The following GRID2 variants were observed in gnomAD, a reference collection of about 807,000 sequenced individuals.
GRID2 encodes glutamate ionotropic receptor delta type subunit 2.
Under a neutral mutation model 114.8 loss-of-function variants are expected in GRID2, and 33 were observed. The ratio of observed to expected loss-of-function variants is 0.29; its 90% CI spans 0.22 to 0.38. GRID2 has a LOEUF of 0.38. Among genes scored for constraint, GRID2 ranks in the 10% least tolerant of loss-of-function variants. The pLI, the probability that GRID2 is intolerant of heterozygous loss-of-function variation, is 1.00. For synonymous variants in GRID2, 505 were observed against 449.9 expected (o/e 1.12, Z -1.55); for missense variants, 1,184 against 1,257.7 (o/e 0.94, Z 0.89).
intron 4 of GRID2, among the ~76,000 whole-genome samples, chr4:93,189,662 A>G (rs1740779156): frequency 1.3e-5 from 2 of 152,006 alleles, no homozygotes; most frequent in South Asian, 4.1e-4. Flanking sequence ...GTATCCACAT[A>G]TCCATTGATT....
At chr4:92,991,905 A>G (rs1023929767) in intron 2 of GRID2, among the ~76,000 whole-genome samples, 1 of 152,192 alleles carries the variant, frequency 6.6e-6, no homozygotes, top group Non-Finnish European at 1.5e-5. Flanking sequence ...CATAGGAGTG[A>G]TATTTTTGAA....
chr4:93,402,398 G>A (rs112480580), intron 9 of GRID2, among the ~76,000 whole-genome samples: 30 of 152,202 alleles, frequency 2.0e-4, no homozygotes, highest in African/African-American at 7.2e-4. Context: ...CTATGTGAAA[G>A]CAGGTAGCAA....
chr4:93,231,381 A>AC (rs1746118515), intron 7 of GRID2, among the ~76,000 whole-genome samples: 1 of 87,578 alleles, frequency 1.1e-5, no homozygotes, highest in Admixed American at 1.6e-4. Flanking sequence ...ATTACCCCGC[A>AC]CCCCCTGCCA....
intron 8 of GRID2, among the ~76,000 whole-genome samples, chr4:93,343,397 C>T (rs1186346487): frequency 6.6e-6 from 1 of 151,962 alleles, no homozygotes; most frequent in African/African-American, 2.4e-5. Flanking sequence ...CAAGTTCTCC[C>T]AGATGAAAGA....
At chr4:93,242,309 T>C (rs1489651773) in intron 8 of GRID2, among the ~76,000 whole-genome samples, 1 of 88,004 alleles carries the variant, frequency 1.1e-5, no homozygotes, top group Non-Finnish European at 2.4e-5. Context: ...ATTGAAGAAA[T>C]GCCAGGGAGG....
At chr4:93,146,918 C>T (rs954901631) in intron 4 of GRID2, among the ~76,000 whole-genome samples, 1 of 152,062 alleles carries the variant, frequency 6.6e-6, no homozygotes, top group East Asian at 1.9e-4. Flanking sequence ...GGGAATGCAG[C>T]TAAGTATTTT....
rs1413744744 is a variant in GRID2 at position 93,469,653 on chromosome 4, A to G, written c.1858+13679A>G. Among the ~76,000 whole-genome samples the G allele has an allele frequency of 4.6e-5, 7 of 152,238 alleles. No homozygotes were observed. The East Asian group carries it at 1.4e-3, about 29-fold the overall frequency. On this transcript the variant is annotated intron_variant, in intron 11 of 15. Transcript: ENST00000282020. ...TTTTTAAATTTGCAGTCATTTGGCC[A>G]CAAAAGGCCATCTGGAGTATAAGAT...
intron 14 of GRID2, among the ~76,000 whole-genome samples, chr4:93,665,484 T>C (rs1000760286): frequency 6.6e-6 from 1 of 152,234 alleles, no homozygotes; most frequent in Non-Finnish European, 1.5e-5. Context: ...GTCTTTTATA[T>C]GCATTTGTCT....
intron 3 of GRID2, among the ~76,000 whole-genome samples, chr4:93,095,434 CA>C (rs1458907853): frequency 6.6e-6 from 1 of 151,824 alleles, no homozygotes; most frequent in Non-Finnish European, 1.5e-5. Flanking sequence ...CCTCCACACA[CA>C]AAAAATATTC....
At chr4:93,058,559 TA>T (rs1369998219) in intron 2 of GRID2, among the ~76,000 whole-genome samples, 1 of 151,902 alleles carries the variant, frequency 6.6e-6, no homozygotes, top group Non-Finnish European at 1.5e-5. Flanking sequence ...TTGAAATTGG[TA>T]ATCAGTAAGC....
intron 2 of GRID2, among the ~76,000 whole-genome samples, chr4:92,940,410 T>A (rs1385291946): frequency 1.3e-5 from 2 of 148,204 alleles, no homozygotes; most frequent in African/African-American, 2.4e-5. Context: ...TTTTTGTACA[T>A]TGAGTTTGTA....
chr4:92,820,241 C>G (rs963241160), intron 2 of GRID2, among the ~76,000 whole-genome samples: 2 of 152,030 alleles, frequency 1.3e-5, no homozygotes, highest in Non-Finnish European at 2.9e-5. Flanking sequence ...TCTTTTATGA[C>G]ACACATACTT....
chr4:93,636,760 G>A (rs1721446110), intron 14 of GRID2, among the ~76,000 whole-genome samples: 1 of 152,212 alleles, frequency 6.6e-6, no homozygotes, highest in East Asian at 1.9e-4. Flanking sequence ...CATAGATTTT[G>A]AGCACTGAGT....
chr4:92,663,915 T>C (rs1732643455), intron 2 of GRID2, among the ~76,000 whole-genome samples: 1 of 151,288 alleles, frequency 6.6e-6, no homozygotes, highest in Admixed American at 6.6e-5. Flanking sequence ...GTGATCTGTG[T>C]ATTTCACTTC....
At chr4:93,718,068 A>G (rs949181299) in intron 14 of GRID2, among the ~76,000 whole-genome samples, 3 of 152,200 alleles carry the variant, frequency 2.0e-5, no homozygotes, top group Non-Finnish European at 1.5e-5. Context: ...ATCCTGGCTA[A>G]CACAGTGAAA....
chr4:92,863,384 C>G (rs558749865), intron 2 of GRID2, among the ~76,000 whole-genome samples: 2 of 152,062 alleles, frequency 1.3e-5, no homozygotes, highest in Admixed American at 6.6e-5. Context: ...TTCACACCAC[C>G]GACTCCTCCA....
chr4:93,073,681 A>AT (rs1404092626), intron 2 of GRID2, among the ~76,000 whole-genome samples: 1 of 152,102 alleles, frequency 6.6e-6, no homozygotes, highest in Non-Finnish European at 1.5e-5. Flanking sequence ...CCTCTTATCT[A>AT]TGGGGTACAT....
At chr4:93,715,197 C>T (rs1728806583) in intron 14 of GRID2, among the ~76,000 whole-genome samples, 3 of 152,076 alleles carry the variant, frequency 2.0e-5, no homozygotes, top group Admixed American at 2.0e-4. Flanking sequence ...AATCCTTTCC[C>T]CATTGCCTGT....
chr4:92,767,314 A>G (rs924587607), intron 2 of GRID2, among the ~76,000 whole-genome samples: 3 of 152,190 alleles, frequency 2.0e-5, no homozygotes, highest in Non-Finnish European at 4.4e-5. Flanking sequence ...TTCAGCTGCC[A>G]TGTAATAGAG....
Sources: gnomAD v4.1 joint callset for allele counts (sites outside exome capture counted in the v4.1 genomes callset) on GRCh38, gnomAD v4.1.1 for gene constraint, MANE v1.5 for transcripts, NCBI Gene and HGNC (gene_info 2026-07-23, HGNC 2026-07-21) for gene names.